Variants in MSN observed in about 807,000 individuals in gnomAD.
MSN encodes the protein epididymis luminal protein 70.
Under a neutral mutation model 48.0 loss-of-function variants are expected in MSN, and 2 were observed. The ratio of observed to expected loss-of-function variants is 0.04; its 90% CI spans 0.02 to 0.13. The LOEUF is 0.13. Among genes scored for constraint, MSN ranks in the 10% least tolerant of loss-of-function variants. MSN has a pLI of 1.00. For synonymous variants in MSN, 146 were observed against 166.9 expected (o/e 0.87, Z 0.97); for missense variants, 267 against 470.1 (o/e 0.57, Z 3.99).
chrX:65,735,430 G>A lies in MSN; in HGVS notation c.959G>A (p.Arg320His), dbSNP rs765146391. ...REEKHQKQME[R>H]AMLENEKKKR... ...GAGAAGCACCAGAAGCAGATGGAGC[G>A]GTAGGTGCTGCACACTGATGTGGGG... The change falls in exon 8 of 13, where the codon CGT becomes CAT. Residue 320 changes from arginine (R) to histidine (H), a missense_variant and splice_region_variant. Coordinates refer to ENST00000360270, the MANE Select transcript of MSN (RefSeq NM_002444.3). The A allele has an allele frequency of 5.0e-6, 6 of 1,201,235 alleles. No homozygotes were observed. Among genetic ancestry groups the A allele is most frequent in the Admixed American group, 2.2e-5 (1 of 45,006 alleles).
At chrX:65,617,829 C>A (rs1385994095) in intron 1 of MSN, among the ~76,000 whole-genome samples, 1 of 109,712 alleles carries the variant, frequency 9.1e-6, no homozygotes, top group Non-Finnish European at 1.9e-5. Flanking sequence ...TTCCTGCTTT[C>A]TCTTGTGGAC....
chrX:65,624,740 C>T (rs1159868233), intron 1 of MSN: 3 of 101,411 alleles, frequency 3.0e-5, no homozygotes, highest in Non-Finnish European at 5.9e-5. Context: ...GAGCCAAGAT[C>T]GCACCACTGC....
chrX:65,588,774 A>T (rs1602699222), intron 1 of MSN: 1 of 251,200 alleles, frequency 4.0e-6, no homozygotes, highest in South Asian at 2.2e-4. Context: ...AGGTGTTTTG[A>T]CCCCCACCCC....
At position 65,739,988 on chromosome X, in the gene MSN, A is replaced by G; in HGVS notation, c.*95A>G. The stretch of plus-strand genomic sequence containing the variant: ...TAACTCATACTGTGCTGGAGCCACT[A>G]ACTAGAGCAGCCCTGGAGTCATGCC... On this transcript the variant is annotated 3_prime_UTR_variant, in exon 13 of 13. Coordinates refer to ENST00000360270, the MANE Select transcript of MSN (RefSeq NM_002444.3). The G allele has an allele frequency of 2.1e-6, 2 of 974,664 alleles. No homozygotes were observed. Among genetic ancestry groups the G allele is most frequent in the South Asian group, 2.6e-5 (1 of 38,291 alleles). 80.3% of individuals were successfully genotyped at this position (974,664 alleles called of 1,213,427 possible). A position where few individuals can be genotyped will look rare whatever the true frequency, so the allele number is the denominator to read the frequency against.
At chrX:65,614,277 G>T (rs1161222493) in intron 1 of MSN, among the ~76,000 whole-genome samples, 1 of 111,469 alleles carries the variant, frequency 9.0e-6, no homozygotes, top group Non-Finnish European at 1.9e-5. Context: ...ACTGTAGCCT[G>T]GTATTATAGT....
chrX:65,615,459 T>C (rs866451522), intron 1 of MSN, among the ~76,000 whole-genome samples: 3 of 110,725 alleles, frequency 2.7e-5, no homozygotes, highest in East Asian at 5.6e-4. Context: ...TGGCCAGTGA[T>C]GGTGAGCATT....
At chrX:65,610,151 G>T (rs111293500) in intron 1 of MSN, among the ~76,000 whole-genome samples, 2,044 of 111,347 alleles carry the variant, frequency 0.018, 18 homozygotes, top group Non-Finnish European at 0.028. Context: ...TCAATTCAGT[G>T]GCTTTAATTA....
intron 1 of MSN, among the ~76,000 whole-genome samples, chrX:65,616,055 A>G (rs958020671): frequency 8.7e-4 from 97 of 111,028 alleles, no homozygotes; most frequent in African/African-American, 2.8e-3. Context: ...GTTCTGTTCC[A>G]TTGATCTATA....
At chrX:65,676,306 C>T (rs190026364) in intron 1 of MSN, among the ~76,000 whole-genome samples, 67 of 112,003 alleles carry the variant, frequency 6.0e-4, no homozygotes, top group African/African-American at 2.1e-3. Context: ...ATCTGATGCT[C>T]CTTTCAATCG....
intron 1 of MSN, among the ~76,000 whole-genome samples, chrX:65,600,255 CTG>C (rs1394582679): frequency 9.0e-6 from 1 of 111,031 alleles, no homozygotes; most frequent in Non-Finnish European, 1.9e-5. Context: ...GTTGGCTGCT[CTG>C]AGAGTTTGTG....
At chrX:65,708,508 G>T (rs2147491909) in intron 1 of MSN, among the ~76,000 whole-genome samples, 1 of 110,498 alleles carries the variant, frequency 9.0e-6, no homozygotes, top group Non-Finnish European at 1.9e-5. Context: ...GGCCAAGCTG[G>T]TCTTGAACTC....
chrX:65,718,818 T>TAA (rs55726908), intron 2 of MSN, among the ~76,000 whole-genome samples: 7 of 75,186 alleles, frequency 9.3e-5, no homozygotes, highest in South Asian at 5.6e-4. Context: ...ACTCTGTCTC[T>TAA]AAAAAAAAAA....
intron 1 of MSN, among the ~76,000 whole-genome samples, chrX:65,617,764 G>C (rs1308058890): frequency 6.8e-5 from 7 of 103,220 alleles, no homozygotes; most frequent in Non-Finnish European, 9.8e-5. Flanking sequence ...GAATGTGTTT[G>C]CTCTTGCTTT....
chrX:65,648,724 G>A (rs1375035760), intron 1 of MSN, among the ~76,000 whole-genome samples: 7 of 109,194 alleles, frequency 6.4e-5, no homozygotes, highest in South Asian at 3.8e-4. Context: ...TTAGCCAGGC[G>A]TGGTGGCACG....
At chrX:65,611,263 G>A (rs1214601525) in intron 1 of MSN, among the ~76,000 whole-genome samples, 1 of 108,147 alleles carries the variant, frequency 9.2e-6, no homozygotes. Flanking sequence ...AGGTTCAAGC[G>A]ATTCTCCTGC....
intron 1 of MSN, among the ~76,000 whole-genome samples, chrX:65,594,115 G>A (rs935267970): frequency 9.0e-6 from 1 of 111,469 alleles, no homozygotes; most frequent in Non-Finnish European, 1.9e-5. Flanking sequence ...AGACAATCTC[G>A]ACCTTCTCAT....
chrX:65,714,586 T>C (rs1475821524), intron 1 of MSN, among the ~76,000 whole-genome samples: 2 of 112,249 alleles, frequency 1.8e-5, no homozygotes, highest in African/African-American at 3.2e-5. Flanking sequence ...ATTTTTTATA[T>C]ATGCTTCTTG....
At chrX:65,708,975 G>C (rs1275895074) in intron 1 of MSN, among the ~76,000 whole-genome samples, 1 of 112,226 alleles carries the variant, frequency 8.9e-6, no homozygotes, top group Non-Finnish European at 1.9e-5. Context: ...GAGCCACTGT[G>C]CCTGGCCAGG....
intron 1 of MSN, among the ~76,000 whole-genome samples, chrX:65,648,778 G>C (rs917341325): frequency 1.8e-5 from 2 of 109,663 alleles, no homozygotes; most frequent in Admixed American, 2.0e-4. Flanking sequence ...CAGGAGAATC[G>C]CTTGAACCTG....
Sources: allele counts gnomAD v4.1 joint callset (sites outside exome capture counted in the v4.1 genomes callset), GRCh38; gene constraint gnomAD v4.1.1; transcripts MANE v1.5; gene names NCBI Gene and HGNC (gene_info 2026-07-23, HGNC 2026-07-21).